Variants in UNKL observed in about 807,000 individuals in gnomAD.
UNKL encodes the protein putative E3 ubiquitin-protein ligase UNKL.
UNKL carries 60 observed loss-of-function variants against 78.0 expected under a neutral mutation model. The observed-to-expected ratio is 0.77, with a 90% CI of 0.63 to 0.95. The LOEUF (loss-of-function observed/expected upper bound fraction) is 0.95. UNKL is among the 40% of genes least tolerant of loss of function. The probability of loss-of-function intolerance (pLI) is 0.00; values close to 1 mark genes in which losing one functional copy is unlikely to be tolerated. For missense variants in UNKL, 1,159 were observed against 1,045.7 expected (o/e 1.11, Z -1.49); for synonymous variants, 608 against 474.8 (o/e 1.28, Z -3.65).
In UNKL at chr16:1,399,581, GA is replaced by G; in HGVS notation, c.599-73del. On this transcript the variant is annotated intron_variant, in intron 4 of 14. Transcript: ENST00000389221. This position sits in a 1 kb window ranked among gnomAD's most constrained non-coding sequence, Gnocchi z 5.8. The stretch of plus-strand genomic sequence containing the variant: ...TGCTGGGCAGAGGAGACCAAAGGTG[GA>G]AGGACCTGGCTGTCCCCCAAATGGA... 3.9e-6 allele frequency: 6 copies of G among 1,539,136 alleles called. No individual in the cohort carries two copies. Among genetic ancestry groups the G allele is most frequent in the Non-Finnish European group, 5.2e-6 (6 of 1,146,714 alleles).
At chr16:1,383,364 G>C (rs1222583997) in intron 10 of UNKL, among the ~76,000 whole-genome samples, 1 of 152,024 alleles carries the variant, frequency 6.6e-6, no homozygotes, top group Non-Finnish European at 1.5e-5. Flanking sequence ...CCAAGCAGAT[G>C]CAGGGATGGG....
intron 4 of UNKL, among the ~76,000 whole-genome samples, chr16:1,400,832 C>T (rs767237618): frequency 2.0e-5 from 3 of 152,122 alleles, no homozygotes; most frequent in Admixed American, 1.3e-4. Context: ...GGATTACAGG[C>T]GCCCACCACC....
At chr16:1,375,830 C>T (rs1232963862) in intron 10 of UNKL, among the ~76,000 whole-genome samples, 4 of 152,188 alleles carry the variant, frequency 2.6e-5, no homozygotes, top group South Asian at 2.1e-4. Flanking sequence ...AGGACGGTGG[C>T]GTCCCTGAGC....
At position 1,403,254 on chromosome 16, in the gene UNKL, G is replaced by A. The variant is rs538415280; in HGVS notation, c.378C>T (p.Asp126=). The A allele has an allele frequency of 2.0e-5, 33 of 1,614,208 alleles. No individual in the cohort carries two copies. The highest frequency in any genetic ancestry group is 6.7e-5 in the African/African-American group (5 of 75,062). The part of the protein sequence containing the change: ...YKTGTCIHET[D]ARGHCVKNGL... The stretch of plus-strand genomic sequence containing the variant: ...CATTCTTCACGCAGTGGCCACGTGC[G>A]TCTGTCTCGTGGATGCAGGTTCCTG... The change falls in exon 3 of 15, where the codon GAC becomes GAT. Residue 126 remains aspartate (D), a synonymous_variant. Coordinates refer to ENST00000389221, the MANE Select transcript of UNKL (RefSeq NM_001372107.1). This position sits in a 1 kb window ranked among gnomAD's most constrained non-coding sequence, Gnocchi z 4.8.
chr16:1,363,337 T>A lies in UNKL; in HGVS notation c.*2903A>T, dbSNP rs1388418572. ...CTTTAAACAGTTCGCTACAAGTAAA[T>A]GATTATAAATACTACCTTCTGGGTT... On this transcript the variant is annotated 3_prime_UTR_variant, in exon 15 of 15. Coordinates refer to ENST00000389221, the MANE Select transcript of UNKL (RefSeq NM_001372107.1). The A allele has an allele frequency of 2.2e-5, 11 of 507,778 alleles. No individual in the cohort carries two copies. The highest frequency in any genetic ancestry group is 1.9e-4 in the African/African-American group (10 of 51,784). The allele number at this position is 507,778 out of a possible 1,614,324, so 31.5% of individuals were successfully genotyped here.
chr16:1,410,490 C>T (rs994344408), intron 2 of UNKL, among the ~76,000 whole-genome samples: 2 of 152,054 alleles, frequency 1.3e-5, no homozygotes, highest in Non-Finnish European at 2.9e-5. Flanking sequence ...GCCTGTAATC[C>T]CAGCTACTTG....
chr16:1,412,892 T>C (rs1046105674), intron 2 of UNKL, among the ~76,000 whole-genome samples: 35 of 152,054 alleles, frequency 2.3e-4, no homozygotes, highest in Admixed American at 1.7e-3. Context: ...CCTGTCTCTA[T>C]AGAAACACAA....
In UNKL at chr16:1,365,016, CAG is replaced by C. The variant is rs1484331419; in HGVS notation, c.*1222_*1223del. The C allele has an allele frequency of 6.6e-6, 1 of 150,404 alleles. No homozygotes were observed. The highest frequency in any genetic ancestry group is 1.5e-5 in the Non-Finnish European group (1 of 67,738). The allele number at this position is 150,404 out of a possible 1,614,324, so 9.3% of individuals were successfully genotyped here. Reference sequence around the variant, plus strand: ...CAGCTTTTTTTTTTTTTTTTTGAGCCAGAGTCTCGCTCTGTCACCCGGGCTGG... The same window carrying C: ...CAGCTTTTTTTTTTTTTTTTTGAGCCAGTCTCGCTCTGTCACCCGGGCTGG... On this transcript the variant is annotated 3_prime_UTR_variant, in exon 15 of 15. Coordinates refer to ENST00000389221, the MANE Select transcript of UNKL (RefSeq NM_001372107.1).
At chr16:1,393,124 G>T in intron 7 of UNKL, 148 bp from the exon 8 acceptor site, 1 of 791,032 alleles carries the variant, frequency 1.3e-6, no homozygotes, top group Non-Finnish European at 2.1e-6. Context: ...GCTGGGCAGT[G>T]GTGGGGACAC....
rs756074648 is a variant in UNKL at position 1,366,272 on chromosome 16, G to A, written c.2170C>T (p.Pro724Ser). 7 of 1,590,350 alleles carry A rather than the reference G, an allele frequency of 4.4e-6. No individual in the cohort carries two copies. Among genetic ancestry groups the A allele is most frequent in the Non-Finnish European group, 6.0e-6 (7 of 1,169,868 alleles). Residue 724 changes from proline (P) to serine (S), a missense_variant, in exon 15 of 15, where the codon CCC (proline) becomes TCC (serine). Coordinates refer to ENST00000389221, the MANE Select transcript of UNKL (RefSeq NM_001372107.1). ...TGCAGGGGCTGGCCCTTGCAGTAGG[G>A]GCACTCAGGTGCGGTGGCCGCACAC... The part of the protein sequence containing the change: ...EPCAATAPEC[P>S]YCKGQPLQW
chr16:1,379,822 C>CT (rs2036528506), intron 10 of UNKL: 1 of 599,962 alleles, frequency 1.7e-6, no homozygotes, highest in African/African-American at 2.0e-5. Flanking sequence ...GTCCCCGCGG[C>CT]TCCTGGCTAC....
intron 6 of UNKL, chr16:1,395,704 C>T (rs1025918911): frequency 2.2e-6 from 1 of 456,448 alleles, no homozygotes; most frequent in Non-Finnish European, 4.4e-6. Context: ...CGGCTGTGGC[C>T]CACGTGGTGC....
At position 1,363,399 on chromosome 16, in the gene UNKL, A is replaced by G; in HGVS notation, c.*2841T>C. ...ATTCAAATAACATTCTCATGTAAAT[A>G]CTCAAACATACAGATTGAGGCTTCC... is the stretch of plus-strand genomic sequence containing the variant. On this transcript the variant is annotated 3_prime_UTR_variant, in exon 15 of 15. Coordinates refer to ENST00000389221, the MANE Select transcript of UNKL (RefSeq NM_001372107.1). 1 of 390,642 alleles carries G rather than the reference A, an allele frequency of 2.6e-6. No individual in the cohort carries two copies. The allele number at this position is 390,642 out of a possible 1,614,324, so 24.2% of individuals were successfully genotyped here.
chr16:1,388,362 G>A, intron 9 of UNKL, among the ~76,000 whole-genome samples: 1 of 152,138 alleles, frequency 6.6e-6, no homozygotes, highest in East Asian at 1.9e-4. Context: ...GGCCCAGGGT[G>A]AATGCAGCAC....
In UNKL at chr16:1,386,665, T is replaced by A. The variant is rs531366675; in HGVS notation, c.1087-1280A>T. 5.2e-4 allele frequency among the ~76,000 whole-genome samples: 79 copies of A among 152,346 alleles called. 1 individual carries two copies. In the South Asian group the frequency reaches 0.012, roughly 24 times the overall value. Reference sequence around the variant, plus strand: ...CTTGGGAGGTGTGATTTTACTAGTTTGTCTCCTTAAGTAAAACTGTCCATA... The same window carrying A: ...CTTGGGAGGTGTGATTTTACTAGTTAGTCTCCTTAAGTAAAACTGTCCATA... On this transcript the variant is annotated intron_variant, in intron 9 of 14. Transcript: ENST00000389221.
chr16:1,367,994 G>A, intron 12 of UNKL, 136 bp from the exon 13 acceptor site: 1 of 745,108 alleles, frequency 1.3e-6, no homozygotes, highest in East Asian at 2.7e-5. Flanking sequence ...CAGGGGTGCA[G>A]CCACGCCTGC....
rs1457490527 is a variant in UNKL at position 1,401,588 on chromosome 16, C to T, written c.578G>A (p.Ser193Asn). Residue 193 changes from serine to asparagine, a missense_variant, in exon 4 of 15, where the codon AGC (serine) becomes AAC (asparagine). By Grantham distance (46) the Ser-to-Asn change is conservative. Coordinates refer to ENST00000389221, the MANE Select transcript of UNKL (RefSeq NM_001372107.1). The part of the protein sequence containing the change: ...ASQAMIEKIL[S>N]EDPRWQDANF... ...GTTACCTTGCCACCGGGGGTCCTCG[C>T]TCAGGATCTTCTCAATCATGGCCTG... The T allele has an allele frequency of 6.3e-7, 1 of 1,599,326 alleles. No individual in the cohort carries two copies. The highest frequency in any genetic ancestry group is 8.5e-7 in the Non-Finnish European group (1 of 1,172,400).
intron 6 of UNKL, 129 bp from the exon 7 acceptor site, chr16:1,394,344 G>T: frequency 8.8e-7 from 1 of 1,132,514 alleles, no homozygotes; most frequent in Non-Finnish European, 1.3e-6. Flanking sequence ...AAAGGGGGGC[G>T]TGGGCCCTGC....
In UNKL at chr16:1,413,937, G is replaced by A; in HGVS notation, c.196C>T (p.Leu66Phe). 1 of 1,554,280 alleles carries A rather than the reference G, an allele frequency of 6.4e-7. No individual in the cohort carries two copies. ...TTGAAGGTGCCGTCGCGCCTGCGGA[G>A]GGGCCTGCGGCGCCGCTGGTTGAGG... ...HFLNQRRRRPLRRRDGTFNYS... is the reference protein window; with the variant it reads ...HFLNQRRRRPFRRRDGTFNYS... Residue 66 changes from leucine to phenylalanine, a missense_variant, in exon 2 of 15, where the codon CTC (leucine) becomes TTC (phenylalanine). By Grantham distance (22) the Leu-to-Phe change is conservative (BLOSUM62 0). Coordinates refer to ENST00000389221, the MANE Select transcript of UNKL (RefSeq NM_001372107.1).
Sources: gnomAD v4.1 joint callset for allele counts (sites outside exome capture counted in the v4.1 genomes callset) on GRCh38, gnomAD v4.1.1 for gene constraint, Gnocchi (gnomAD v3.1) non-coding constraint, MANE v1.5 for transcripts, NCBI Gene and HGNC (gene_info 2026-07-23, HGNC 2026-07-21) for gene names.